BANK1: variants seen among roughly 807,000 people sequenced by gnomAD.
BANK1 encodes the protein B cell scaffold protein with ankyrin repeats 1, also known as B-cell scaffold protein with ankyrin repeats.
In BANK1, 95 loss-of-function variants were observed where a neutral mutation model predicts 94.5. The observed-to-expected ratio is 1.00, with a 90% CI of 0.85 to 1.19. The LOEUF is 1.19. Among genes scored for constraint, BANK1 ranks in the 50% most tolerant of loss-of-function variants. BANK1 has a pLI of 0.00. For missense variants in BANK1, 987 were observed against 932.2 expected, an observed-to-expected ratio of 1.06 and a Z score of -0.77; for synonymous variants, 334 against 308.4, an observed-to-expected ratio of 1.08 and a Z score of -0.87.
At position 101,984,845 on chromosome 4, in the gene BANK1, T is replaced by C. The variant is rs1487355398; in HGVS notation, c.1207-36669T>C. Among the ~76,000 whole-genome samples, 7 of 152,178 alleles carry C rather than the reference T, an allele frequency of 4.6e-5. No homozygotes were observed. The East Asian group carries it at 1.4e-3, about 29-fold the overall frequency. On this transcript the variant is annotated intron_variant, in intron 7 of 16. Transcript: ENST00000322953. ...AAAATCCTTTGAGTCTTTTTGGCAG[T>C]TCTGAGATAATGTAATCACGAATGC...
chr4:102,013,388 A>G (rs1726576335), intron 7 of BANK1, among the ~76,000 whole-genome samples: 1 of 152,086 alleles, frequency 6.6e-6, no homozygotes, highest in African/African-American at 2.4e-5. Context: ...TGTTAGCCTA[A>G]AGAAGTTCTT....
chr4:102,031,950 AGGAAAC>A (rs57413016), intron 10 of BANK1, among the ~76,000 whole-genome samples: 25,802 of 152,044 alleles, frequency 0.17, 2,388 homozygotes, highest in East Asian at 0.3. Flanking sequence ...ATAACAAATT[AGGAAAC>A]TATAGCAAAT....
chr4:101,861,231 T>C (rs1727864601), intron 3 of BANK1, among the ~76,000 whole-genome samples: 2 of 152,226 alleles, frequency 1.3e-5, no homozygotes, highest in Admixed American at 1.3e-4. Context: ...GGAAAATGCC[T>C]GAAGTAGATT....
chr4:101,810,906 A>C (rs573617731), intron 1 of BANK1, among the ~76,000 whole-genome samples: 12 of 152,142 alleles, frequency 7.9e-5, no homozygotes, highest in Admixed American at 2.6e-4. Context: ...TATCATGATC[A>C]TTATCATCAT....
chr4:101,842,460 A>G (rs1405456750), intron 2 of BANK1, among the ~76,000 whole-genome samples: 2 of 152,214 alleles, frequency 1.3e-5, no homozygotes, highest in African/African-American at 4.8e-5. Context: ...TACTAGTACT[A>G]TTCTCATTTT....
intron 2 of BANK1, among the ~76,000 whole-genome samples, chr4:101,835,604 G>A (rs754293640): frequency 7.9e-5 from 12 of 152,132 alleles, no homozygotes. Context: ...TATTGGAAAG[G>A]CAAAACAAAA....
At chr4:101,911,071 G>A (rs4337734) in intron 6 of BANK1, among the ~76,000 whole-genome samples, 121,311 of 152,176 alleles carry the variant, frequency 0.8, 49,280 homozygotes, top group Non-Finnish European at 0.89. Context: ...TGATCCTGAG[G>A]TAGGTACCAT....
chr4:101,844,359 A>T (rs1018670241), intron 2 of BANK1, among the ~76,000 whole-genome samples: 1 of 152,198 alleles, frequency 6.6e-6, no homozygotes, highest in Non-Finnish European at 1.5e-5. Context: ...AGCCTATATG[A>T]AGGAATGAAA....
chr4:101,976,576 A>T (rs1326525478), intron 7 of BANK1, among the ~76,000 whole-genome samples: 1 of 152,148 alleles, frequency 6.6e-6, no homozygotes, highest in African/African-American at 2.4e-5. Context: ...GAAATTTTGG[A>T]TAATAAAGAG....
chr4:102,038,392 A>G lies in BANK1; in HGVS notation c.1901-5447A>G, dbSNP rs1005186262. Among the ~76,000 whole-genome samples the G allele has an allele frequency of 2.0e-5, 3 of 152,162 alleles. No individual in the cohort carries two copies. In the South Asian group the frequency reaches 6.2e-4, roughly 32 times the overall value. ...CTACTTCTCTTTGAAACAAAAGAAAATTGCTCAGAATGTTACTAGAGTTAT... is the reference window on the plus strand; with the variant it reads ...CTACTTCTCTTTGAAACAAAAGAAAGTTGCTCAGAATGTTACTAGAGTTAT... On this transcript the variant is annotated intron_variant, in intron 10 of 16. Transcript: ENST00000322953.
At chr4:101,840,524 A>G (rs113594409) in intron 2 of BANK1, among the ~76,000 whole-genome samples, 1 of 151,902 alleles carries the variant, frequency 6.6e-6, no homozygotes, top group Non-Finnish European at 1.5e-5. Context: ...CACCTGGCCC[A>G]CTCAGGGCGG....
chr4:101,790,906 G>C lies in BANK1; in HGVS notation c.26G>C (p.Gly9Ala). MLPAAPGK[G>A]LGSPDPAPCG... ...ATGCTGCCAGCAGCGCCAGGCAAGG[G>C]GCTTGGGAGCCCGGACCCCGCCCCC... Residue 9 changes from glycine to alanine, a missense_variant, in exon 1 of 17, where the codon GGG (glycine) becomes GCG (alanine). Transcript: ENST00000322953. 1.3e-6 allele frequency: 2 copies of C among 1,538,508 alleles called. No individual in the cohort carries two copies. The highest frequency in any genetic ancestry group is 2.4e-5 in the South Asian group (2 of 84,102).
intron 6 of BANK1, among the ~76,000 whole-genome samples, chr4:101,895,983 T>C (rs909130466): frequency 7.2e-5 from 11 of 152,014 alleles, no homozygotes; most frequent in African/African-American, 2.4e-4. Flanking sequence ...GATAAGTTTA[T>C]ATATGTAAAT....
At chr4:101,947,471 A>G (rs1026798211) in intron 7 of BANK1, among the ~76,000 whole-genome samples, 8 of 151,212 alleles carry the variant, frequency 5.3e-5, no homozygotes, top group African/African-American at 1.9e-4. Flanking sequence ...ACATCATTTA[A>G]TTGAATTTAT....
At chr4:101,901,844 T>C (rs1381991267) in intron 6 of BANK1, among the ~76,000 whole-genome samples, 1 of 152,092 alleles carries the variant, frequency 6.6e-6, no homozygotes, top group Non-Finnish European at 1.5e-5. Context: ...CACTGCAAGC[T>C]CTGCCTCCTA....
At chr4:101,870,430 A>G (rs1443340493) in intron 4 of BANK1, 75 bp from the exon 5 acceptor site, 3 of 1,305,048 alleles carry the variant, frequency 2.3e-6, no homozygotes, top group African/African-American at 3.0e-5. Context: ...GGCTTCTTTT[A>G]TATTCTCTAA....
At chr4:101,794,970 G>T (rs1725104831) in intron 1 of BANK1, among the ~76,000 whole-genome samples, 2 of 151,804 alleles carry the variant, frequency 1.3e-5, no homozygotes, top group Non-Finnish European at 2.9e-5. Context: ...AATTCCCATT[G>T]CCTTGTTTTC....
At chr4:101,805,430 A>T (rs1725518186) in intron 1 of BANK1, among the ~76,000 whole-genome samples, 1 of 152,104 alleles carries the variant, frequency 6.6e-6, no homozygotes, top group Non-Finnish European at 1.5e-5. Flanking sequence ...TTCAGTAGAC[A>T]TAAGCATGTT....
intron 7 of BANK1, among the ~76,000 whole-genome samples, chr4:101,991,430 T>C (rs1486186933): frequency 1.3e-5 from 2 of 152,192 alleles, no homozygotes; most frequent in African/African-American, 4.8e-5. Flanking sequence ...GGATAAGTTG[T>C]TTTTGTTTTT....
Sources: gnomAD v4.1 joint callset for allele counts (sites outside exome capture counted in the v4.1 genomes callset) on GRCh38, gnomAD v4.1.1 for gene constraint, MANE v1.5 for transcripts, NCBI Gene and HGNC (gene_info 2026-07-23, HGNC 2026-07-21) for gene names.